Variants in ZNF827 observed in about 807,000 individuals in gnomAD.
The protein encoded by ZNF827 is zinc finger protein 827.
In ZNF827, 13 loss-of-function variants were observed where a neutral mutation model predicts 102.4. The observed-to-expected ratio is 0.13, with a 90% confidence interval of 0.08 to 0.20. ZNF827 has a LOEUF of 0.20. ZNF827 is among the 10% of genes least tolerant of loss of function. The pLI is 1.00. For missense variants in ZNF827, 1,103 were observed against 1,344.4 expected, an observed-to-expected ratio of 0.82 and a Z score of 2.81; for synonymous variants, 523 against 536.2, an observed-to-expected ratio of 0.98 and a Z score of 0.34.
At chr4:145,853,996 T>A (rs1208662912) in intron 5 of ZNF827, among the ~76,000 whole-genome samples, 3 of 150,570 alleles carry the variant, frequency 2.0e-5, no homozygotes, top group African/African-American at 7.3e-5. Context: ...AAGAAACAAA[T>A]GTGAGAGAAA....
chr4:145,768,390 C>T (rs907051688), intron 11 of ZNF827, among the ~76,000 whole-genome samples: 1 of 152,106 alleles, frequency 6.6e-6, no homozygotes, highest in East Asian at 1.9e-4. Flanking sequence ...GTCTTGAACT[C>T]CTGACCTCAA....
At chr4:145,937,861 G>A (rs1754331351) in intron 1 of ZNF827, among the ~76,000 whole-genome samples, 1 of 148,632 alleles carries the variant, frequency 6.7e-6, no homozygotes, top group Non-Finnish European at 1.5e-5. Context: ...CCCTCTCCCC[G>A]ACACCCCCAA....
At chr4:145,861,873 T>C (rs1030402276) in intron 5 of ZNF827, among the ~76,000 whole-genome samples, 3 of 152,224 alleles carry the variant, frequency 2.0e-5, no homozygotes, top group Non-Finnish European at 2.9e-5. Flanking sequence ...TTCGTGGCTA[T>C]ATTAACATAT....
chr4:145,919,723 T>C (rs1353324787), intron 1 of ZNF827, among the ~76,000 whole-genome samples: 1 of 152,202 alleles, frequency 6.6e-6, no homozygotes, highest in Non-Finnish European at 1.5e-5. Flanking sequence ...TACATGGTGG[T>C]CCTGCCAAGA....
chr4:145,867,030 C>T (rs377580219), intron 5 of ZNF827, among the ~76,000 whole-genome samples: 134 of 152,322 alleles, frequency 8.8e-4, no homozygotes, highest in Middle Eastern at 3.4e-3. Context: ...ACTGAGATTT[C>T]GGCCTCCTTG....
intron 8 of ZNF827, among the ~76,000 whole-genome samples, chr4:145,781,644 TA>T (rs962045795): frequency 1.3e-5 from 2 of 150,432 alleles, no homozygotes; most frequent in Non-Finnish European, 1.5e-5. Context: ...TGAAGAGAAG[TA>T]AAAAAAAAGG....
chr4:145,889,810 C>T (rs893688227), intron 3 of ZNF827, among the ~76,000 whole-genome samples: 6 of 152,076 alleles, frequency 3.9e-5, no homozygotes, highest in African/African-American at 1.4e-4. Flanking sequence ...AACCTCGTCT[C>T]TACTAAAAAT....
Position 145,883,028 on chromosome 4 carries a change from G to A in ZNF827, c.1747+2650C>T, listed in dbSNP as rs367902634. ...ATCACAGTGAGAGCAGCTATCAAAC[G>A]TATGGCCAGACCAACCAGAGGGTAA... On this transcript the variant is annotated intron_variant, in intron 4 of 14. Coordinates refer to ENST00000508784, the MANE Select transcript of ZNF827 (RefSeq NM_001306215.2). Among the ~76,000 whole-genome samples, 155 of 150,818 alleles carry A rather than the reference G, an allele frequency of 1.0e-3. 1 individual carries two copies. The highest frequency in any genetic ancestry group is 3.4e-3 in the Middle Eastern group (1 of 294).
intron 4 of ZNF827, among the ~76,000 whole-genome samples, chr4:145,871,921 T>C (rs377042621): frequency 7.2e-5 from 11 of 152,202 alleles, no homozygotes; most frequent in African/African-American, 2.7e-4. Flanking sequence ...GGGCTTCCCC[T>C]GCTGTGTCCC....
chr4:145,782,838 T>C (rs1256388340), intron 8 of ZNF827, among the ~76,000 whole-genome samples: 1 of 152,210 alleles, frequency 6.6e-6, no homozygotes, highest in Non-Finnish European at 1.5e-5. Flanking sequence ...TTAAGTGTCA[T>C]TGCTTTTGAA....
At chr4:145,855,246 G>A (rs1746955237) in intron 5 of ZNF827, among the ~76,000 whole-genome samples, 1 of 152,194 alleles carries the variant, frequency 6.6e-6, no homozygotes, top group Non-Finnish European at 1.5e-5. Flanking sequence ...GCTTAAAAGA[G>A]CCTCTAAAAG....
intron 7 of ZNF827, among the ~76,000 whole-genome samples, chr4:145,844,390 C>A (rs1745705790): frequency 6.6e-6 from 1 of 151,412 alleles, no homozygotes; most frequent in Admixed American, 6.6e-5. Flanking sequence ...CTATATAAAC[C>A]CAGTGTGAGC....
At chr4:145,908,644 A>T (rs1364677525) in intron 1 of ZNF827, among the ~76,000 whole-genome samples, 3 of 152,262 alleles carry the variant, frequency 2.0e-5, no homozygotes, top group African/African-American at 7.2e-5. Flanking sequence ...TTGTAAGTTT[A>T]CTACAAAAGT....
intron 5 of ZNF827, among the ~76,000 whole-genome samples, chr4:145,867,393 A>G (rs1045734905): frequency 2.0e-5 from 3 of 152,234 alleles, no homozygotes; most frequent in African/African-American, 7.2e-5. Flanking sequence ...TCCACATAGA[A>G]AAGTTCCACA....
intron 5 of ZNF827, among the ~76,000 whole-genome samples, chr4:145,851,429 G>A (rs185950216): frequency 3.7e-4 from 57 of 152,204 alleles, no homozygotes; most frequent in African/African-American, 1.2e-3. Flanking sequence ...GAAGCTGGGA[G>A]GGCCAAAAAG....
At chr4:145,778,261 G>A (rs898466376) in intron 9 of ZNF827, among the ~76,000 whole-genome samples, 12 of 152,020 alleles carry the variant, frequency 7.9e-5, no homozygotes, top group Non-Finnish European at 1.8e-4. Flanking sequence ...AGCCTCCTGA[G>A]TAGCTGGGAT....
chr4:145,792,832 T>TA (rs1039749123), intron 8 of ZNF827, among the ~76,000 whole-genome samples: 3 of 152,116 alleles, frequency 2.0e-5, no homozygotes, highest in South Asian at 2.1e-4. Flanking sequence ...TAAATTAAAT[T>TA]AAAAAATCAA....
At chr4:145,910,634 T>A (rs1176418274) in intron 1 of ZNF827, among the ~76,000 whole-genome samples, 1 of 152,142 alleles carries the variant, frequency 6.6e-6, no homozygotes, top group African/African-American at 2.4e-5. Context: ...CTTCCCAACC[T>A]TGCTCCATTA....
At chr4:145,914,403 T>G (rs781502406) in intron 1 of ZNF827, among the ~76,000 whole-genome samples, 1 of 152,226 alleles carries the variant, frequency 6.6e-6, no homozygotes, top group Non-Finnish European at 1.5e-5. Context: ...TTTTTATCAG[T>G]TATGCACAAG....
Sources: gnomAD v4.1 joint callset for allele counts (sites outside exome capture counted in the v4.1 genomes callset) on GRCh38, gnomAD v4.1.1 for gene constraint, MANE v1.5 for transcripts, NCBI Gene and HGNC (gene_info 2026-07-23, HGNC 2026-07-21) for gene names.